HAPSTR1: variants seen among roughly 807,000 people sequenced by gnomAD.
The protein encoded by HAPSTR1 is HUWE1 associated protein modifying stress responses.
the HAPSTR1 span, among the ~76,000 whole-genome samples, chr16:9,093,767 A>G: frequency 9.2e-5 from 14 of 151,762 alleles, no homozygotes; most frequent in East Asian, 1.7e-3. Flanking sequence ...GTTCTTGCCC[A>G]TTTGTGCATT....
the HAPSTR1 span, chr16:9,116,920 A>G: frequency 6.2e-7 from 1 of 1,612,354 alleles, no homozygotes; most frequent in Non-Finnish European, 8.5e-7. Context: ...TAAACTGCAA[A>G]CATTTTCACA....
chr16:9,100,475 A>G, the HAPSTR1 span, among the ~76,000 whole-genome samples: 3 of 151,196 alleles, frequency 2.0e-5, no homozygotes, highest in East Asian at 5.8e-4. Flanking sequence ...TGAGTTTTGT[A>G]TCAAGTTTAG....
chr16:9,092,850 C>G, the HAPSTR1 span: 113 of 1,385,650 alleles, frequency 8.2e-5, 1 homozygote, highest in African/African-American at 1.2e-3. Flanking sequence ...CATTCTTGTT[C>G]TCTTTCTTTC....
At chr16:9,103,661 G>C in the HAPSTR1 span, 1 of 169,470 alleles carries the variant, frequency 5.9e-6, no homozygotes, top group African/African-American at 2.4e-5. Flanking sequence ...TGTTGGGTTA[G>C]TTCTCATGGG....
chr16:9,098,418 A>G, the HAPSTR1 span, among the ~76,000 whole-genome samples: 1 of 152,232 alleles, frequency 6.6e-6, no homozygotes, highest in Non-Finnish European at 1.5e-5. Flanking sequence ...ATAAGTAGCT[A>G]GGAGGTGTGC....
the HAPSTR1 span, chr16:9,103,951 A>C: frequency 6.6e-6 from 1 of 152,196 alleles, no homozygotes; most frequent in African/African-American, 2.4e-5. Flanking sequence ...TCTAATACAG[A>C]CTTCCAAATA....
chr16:9,109,860 C>T, the HAPSTR1 span: 1 of 152,084 alleles, frequency 6.6e-6, no homozygotes, highest in African/African-American at 2.4e-5. Flanking sequence ...ATTGCCGAGG[C>T]CTTTTTGGTT....
chr16:9,113,417 T>C, the HAPSTR1 span, among the ~76,000 whole-genome samples: 1 of 152,210 alleles, frequency 6.6e-6, no homozygotes, highest in Admixed American at 6.5e-5. Context: ...ACACATCTTC[T>C]TTTTCATGGA....
the HAPSTR1 span, chr16:9,118,061 T>C: frequency 7.9e-5 from 12 of 152,744 alleles, 1 homozygote; most frequent in Admixed American, 3.9e-4. Flanking sequence ...AAGTTCTCAA[T>C]AGATTCCTCT....
the HAPSTR1 span, among the ~76,000 whole-genome samples, chr16:9,102,752 C>G: frequency 1.3e-5 from 2 of 151,670 alleles, no homozygotes; most frequent in African/African-American, 2.4e-5. Context: ...TTTTTTTTAA[C>G]AAGCCAAGCT....
the HAPSTR1 span, among the ~76,000 whole-genome samples, chr16:9,100,417 A>AGTT: frequency 1.3e-4 from 18 of 142,444 alleles, no homozygotes; most frequent in African/African-American, 4.6e-4. Context: ...TTCACAGGAT[A>AGTT]TTTTTTTTTT....
the HAPSTR1 span, among the ~76,000 whole-genome samples, chr16:9,097,388 C>T: frequency 2.3e-4 from 35 of 152,052 alleles, no homozygotes; most frequent in African/African-American, 7.7e-4. Flanking sequence ...ACCACAGGCA[C>T]CCATCACCAT....
the HAPSTR1 span, chr16:9,106,749 A>G: frequency 6.6e-6 from 1 of 152,112 alleles, no homozygotes; most frequent in African/African-American, 2.4e-5. Context: ...AAAGAGATAA[A>G]CATGCATGTG....
At chr16:9,114,863 G>A in the HAPSTR1 span, among the ~76,000 whole-genome samples, 2 of 152,178 alleles carry the variant, frequency 1.3e-5, no homozygotes, top group African/African-American at 4.8e-5. Flanking sequence ...GGTGTCATAG[G>A]AAGTAATTGA....
At chr16:9,120,876 A>T in the HAPSTR1 span, 1 of 151,924 alleles carries the variant, frequency 6.6e-6, no homozygotes, top group African/African-American at 2.4e-5. Flanking sequence ...CGGGGTTTCA[A>T]ATATGGTGAA....
chr16:9,098,589 G>T, the HAPSTR1 span, among the ~76,000 whole-genome samples: 109 of 152,242 alleles, frequency 7.2e-4, no homozygotes, highest in African/African-American at 2.4e-3. Flanking sequence ...GAGGGGAGAG[G>T]TTCTCTTGAG....
chr16:9,116,586 G>T, the HAPSTR1 span: 2 of 1,525,574 alleles, frequency 1.3e-6, no homozygotes. Flanking sequence ...CTTTGACATT[G>T]TGACAACATG....
chr16:9,116,576 C>T, the HAPSTR1 span: 2 of 1,490,522 alleles, frequency 1.3e-6, no homozygotes, highest in East Asian at 2.3e-5. Context: ...GGCAGACATG[C>T]TTTGACATTG....
At chr16:9,094,263 T>C in the HAPSTR1 span, among the ~76,000 whole-genome samples, 25 of 152,150 alleles carry the variant, frequency 1.6e-4, no homozygotes, top group African/African-American at 5.8e-4. Context: ...GAAACATGGT[T>C]AAATAGTGCC....
Sources: gnomAD v4.1 joint callset for allele counts (sites outside exome capture counted in the v4.1 genomes callset) on GRCh38, gnomAD v4.1.1 for gene constraint, MANE v1.5 for transcripts, NCBI Gene and HGNC (gene_info 2026-07-23, HGNC 2026-07-21) for gene names.